The following SNTG1 variants were observed in gnomAD, a reference collection of about 807,000 sequenced individuals.
SNTG1 encodes gamma-1-syntrophin.
In SNTG1, 39 loss-of-function variants were observed where a neutral mutation model predicts 74.7. The ratio of observed to expected loss-of-function variants is 0.52; its 90% CI spans 0.40 to 0.68. The LOEUF is 0.68. Ranked by LOEUF, SNTG1 falls within the 30% of genes least tolerant of loss-of-function variation. SNTG1 has a pLI of 0.00. For synonymous variants in SNTG1, 254 were observed against 217.1 expected, an observed-to-expected ratio of 1.17 and a Z score of -1.49; for missense variants, 685 against 609.5, an observed-to-expected ratio of 1.12 and a Z score of -1.30.
intron 1 of SNTG1, among the ~76,000 whole-genome samples, chr8:49,932,941 C>T (rs909778332): frequency 1.3e-5 from 2 of 152,108 alleles, no homozygotes; most frequent in African/African-American, 4.8e-5. Context: ...TTGCAGCATA[C>T]CTGAGTGCTT....
chr8:50,202,837 A>C (rs944710814), intron 2 of SNTG1, among the ~76,000 whole-genome samples: 1 of 150,078 alleles, frequency 6.7e-6, no homozygotes, highest in Non-Finnish European at 1.5e-5. Flanking sequence ...GTGTAGGTGA[A>C]TGTATTTATT....
chr8:50,790,419 AC>A, intron 18 of SNTG1, among the ~76,000 whole-genome samples: 1 of 151,994 alleles, frequency 6.6e-6, no homozygotes, highest in South Asian at 2.1e-4. Context: ...GACTTTTTTT[AC>A]AAGGGAAACT....
chr8:50,625,447 C>T (rs993647109), intron 13 of SNTG1, among the ~76,000 whole-genome samples: 1 of 152,116 alleles, frequency 6.6e-6, no homozygotes, highest in Non-Finnish European at 1.5e-5. Flanking sequence ...TTGGTTTAAC[C>T]ATCCCATAAC....
chr8:50,326,660 A>T (rs936548447), intron 2 of SNTG1, among the ~76,000 whole-genome samples: 11 of 148,066 alleles, frequency 7.4e-5, no homozygotes, highest in African/African-American at 2.3e-4. Context: ...CTTTAAAAAA[A>T]TTTTCTCTAT....
At chr8:50,080,642 AG>A (rs1822318726) in intron 1 of SNTG1, among the ~76,000 whole-genome samples, 1 of 152,092 alleles carries the variant, frequency 6.6e-6, no homozygotes, top group Non-Finnish European at 1.5e-5. Flanking sequence ...GGTTTATGTT[AG>A]GGGTTGGCAA....
intron 2 of SNTG1, among the ~76,000 whole-genome samples, chr8:50,238,617 G>C (rs991141388): frequency 6.6e-6 from 1 of 152,038 alleles, no homozygotes. Flanking sequence ...AAAAGCAACC[G>C]CAACATAAAC....
At chr8:50,082,708 G>A (rs1822523182) in intron 1 of SNTG1, among the ~76,000 whole-genome samples, 1 of 152,006 alleles carries the variant, frequency 6.6e-6, no homozygotes, top group Non-Finnish European at 1.5e-5. Flanking sequence ...ACCTCCAATA[G>A]GCCCTTTCAT....
chr8:50,497,093 A>G (rs1402035307), intron 8 of SNTG1, among the ~76,000 whole-genome samples: 1 of 152,082 alleles, frequency 6.6e-6, no homozygotes, highest in East Asian at 1.9e-4. Context: ...AGATACTCAT[A>G]AGTGACCTTA....
chr8:50,206,226 T>C (rs2084229627), intron 2 of SNTG1, among the ~76,000 whole-genome samples: 1 of 152,232 alleles, frequency 6.6e-6, no homozygotes, highest in African/African-American at 2.4e-5. Context: ...CGTTTGTTTG[T>C]GTCCTCTTTT....
rs190842155 is a variant in SNTG1 at position 50,689,284 on chromosome 8, T to A, written c.1039-15316T>A. The stretch of plus-strand genomic sequence containing the variant: ...TTGCCCTGGCCAGAACTTCCAACAC[T>A]ATGTTGAATAGGAGTGGTGAGAGAG... On this transcript the variant is annotated intron_variant, in intron 15 of 18. Coordinates refer to ENST00000642720, the MANE Select transcript of SNTG1 (RefSeq NM_018967.5). 5.6e-3 allele frequency among the ~76,000 whole-genome samples: 858 copies of A among 152,270 alleles called. 5 individuals carry two copies. The highest frequency in any genetic ancestry group is 8.8e-3 in the Non-Finnish European group (601 of 68,020).
chr8:50,071,029 C>T (rs979847972), intron 1 of SNTG1, among the ~76,000 whole-genome samples: 13 of 152,106 alleles, frequency 8.5e-5, no homozygotes, highest in Admixed American at 6.5e-4. Flanking sequence ...AAAGTGGAAA[C>T]TATCCGTGTT....
At chr8:50,236,684 T>C (rs2085921606) in intron 2 of SNTG1, among the ~76,000 whole-genome samples, 1 of 152,042 alleles carries the variant, frequency 6.6e-6, no homozygotes, top group Non-Finnish European at 1.5e-5. Context: ...TCTCCTGACC[T>C]TGTGATCCGC....
chr8:50,435,460 C>T (rs776355504), intron 4 of SNTG1, among the ~76,000 whole-genome samples: 1 of 152,082 alleles, frequency 6.6e-6, no homozygotes, highest in East Asian at 1.9e-4. Flanking sequence ...TGAAATGGTT[C>T]ATTTCTTCTT....
chr8:50,792,083 T>TA (rs1175943258), intron 18 of SNTG1, among the ~76,000 whole-genome samples: 1 of 150,734 alleles, frequency 6.6e-6, no homozygotes, highest in Non-Finnish European at 1.5e-5. Flanking sequence ...CTAGTTTATT[T>TA]TTTTTTTTTT....
chr8:50,716,938 G>A (rs1427820737), intron 17 of SNTG1, among the ~76,000 whole-genome samples: 3 of 151,814 alleles, frequency 2.0e-5, no homozygotes, highest in Non-Finnish European at 2.9e-5. Context: ...AAGTTTCACC[G>A]TGTTAGCTAG....
At chr8:50,241,949 A>C (rs2086182918) in intron 2 of SNTG1, among the ~76,000 whole-genome samples, 1 of 151,928 alleles carries the variant, frequency 6.6e-6, no homozygotes, top group East Asian at 1.9e-4. Flanking sequence ...ACTAAACCTC[A>C]CTTCTGGAGT....
chr8:50,180,473 G>A (rs1474706716), intron 2 of SNTG1, among the ~76,000 whole-genome samples: 1 of 152,114 alleles, frequency 6.6e-6, no homozygotes, highest in Non-Finnish European at 1.5e-5. Context: ...CTTGAAACTA[G>A]ATAGAAGTAA....
Position 49,939,510 on chromosome 8 carries a change from A to G in SNTG1, c.-103+27279A>G, listed in dbSNP as rs982878001. Among the ~76,000 whole-genome samples, 6 of 152,300 alleles carry G rather than the reference A, an allele frequency of 3.9e-5. No homozygotes were observed. In the East Asian group the frequency reaches 1.2e-3, roughly 29 times the overall value. On this transcript the variant is annotated intron_variant, in intron 1 of 18. Transcript: ENST00000642720. ...GAAACAGACTCCCACTATGTAAACC[A>G]TGCTGGTCTTGAACTCCTGGGCTCA...
At chr8:50,137,479 G>C (rs2131441747) in intron 1 of SNTG1, among the ~76,000 whole-genome samples, 1 of 152,294 alleles carries the variant, frequency 6.6e-6, no homozygotes, top group South Asian at 2.1e-4. Context: ...ACAAAACCAA[G>C]ACTTTGCTTG....
Sources: allele counts gnomAD v4.1 joint callset (sites outside exome capture counted in the v4.1 genomes callset), GRCh38; gene constraint gnomAD v4.1.1; transcripts MANE v1.5; gene names NCBI Gene and HGNC (gene_info 2026-07-23, HGNC 2026-07-21).